The following UHRF2 variants were observed in gnomAD, a reference collection of about 807,000 sequenced individuals.
UHRF2 encodes the protein E3 ubiquitin-protein ligase UHRF2.
A neutral mutation model predicts 96.8 loss-of-function variants in UHRF2; 23 were observed. The ratio of observed to expected loss-of-function variants is 0.24; its 90% CI spans 0.17 to 0.34. UHRF2 has a LOEUF of 0.34. UHRF2 is among the 10% of genes least tolerant of loss of function. The probability of loss-of-function intolerance (pLI) is 1.00; values close to 1 mark genes in which losing one functional copy is unlikely to be tolerated. For synonymous variants in UHRF2, 385 were observed against 332.6 expected (o/e 1.16, Z -1.72); for missense variants, 685 against 981.5 (o/e 0.70, Z 4.04).
At chr9:6,494,280 A>G (rs1228976543) in intron 10 of UHRF2, 1 of 203,902 alleles carries the variant, frequency 4.9e-6, no homozygotes, top group Non-Finnish European at 9.8e-6. Flanking sequence ...ACTCCTTTTT[A>G]GAGTAAACTC....
chr9:6,485,827 A>AC (rs1824254880), intron 8 of UHRF2, among the ~76,000 whole-genome samples: 1 of 147,188 alleles, frequency 6.8e-6, no homozygotes, highest in Non-Finnish European at 1.5e-5. Context: ...AAAAAAAAAA[A>AC]ACAAAACCCA....
At chr9:6,475,535 T>G in intron 5 of UHRF2, 35 bp downstream of exon 5, 1 of 1,317,774 alleles carries the variant, frequency 7.6e-7, no homozygotes, top group Non-Finnish European at 1.1e-6. Context: ...AGACTACATG[T>G]GTTGTACATG....
intron 1 of UHRF2, among the ~76,000 whole-genome samples, chr9:6,417,922 C>T (rs183503071): frequency 6.6e-6 from 1 of 152,178 alleles, no homozygotes; most frequent in East Asian, 1.9e-4. Context: ...TCTGGTCCCT[C>T]AAACCTAAGT....
chr9:6,446,827 AGAGT>A (rs1821539358), intron 3 of UHRF2, among the ~76,000 whole-genome samples: 1 of 151,688 alleles, frequency 6.6e-6, no homozygotes, highest in Non-Finnish European at 1.5e-5. Flanking sequence ...CCTGGGTGAC[AGAGT>A]GAGACTCTGT....
At chr9:6,438,864 C>G (rs369074603) in intron 3 of UHRF2, among the ~76,000 whole-genome samples, 1 of 152,234 alleles carries the variant, frequency 6.6e-6, no homozygotes, top group East Asian at 1.9e-4. Flanking sequence ...CTACTCCAGT[C>G]AGAGCAGAGT....
chr9:6,422,620 C>A (rs1168815186), intron 2 of UHRF2: 3 of 632,952 alleles, frequency 4.7e-6, no homozygotes, highest in South Asian at 1.9e-5. Flanking sequence ...TAGATCTTTT[C>A]TTTTTTTGAG....
chr9:6,424,776 A>ATTT (rs200890506), intron 2 of UHRF2, among the ~76,000 whole-genome samples: 4 of 135,066 alleles, frequency 3.0e-5, no homozygotes, highest in Non-Finnish European at 4.6e-5. Context: ...ATTTCTCAGG[A>ATTT]TTTTTTTTTT....
chr9:6,432,520 T>C (rs780567212), intron 2 of UHRF2, among the ~76,000 whole-genome samples: 7 of 152,238 alleles, frequency 4.6e-5, no homozygotes, highest in Non-Finnish European at 8.8e-5. Flanking sequence ...ACCTTACATT[T>C]CATTAGCTTT....
rs758620399 is a variant in UHRF2, at chr9:6,481,625, C to CT, written c.1161-10dup. On this transcript the variant is annotated splice_polypyrimidine_tract_variant and intron_variant, in intron 6 of 15. Transcript: ENST00000276893. Reference sequence around the variant, plus strand: ...ATGGTATTGTGAAAATGCCTTCGTTCTTTTTTTTCTTTTAAAGGTATTGTC... The same window carrying CT: ...ATGGTATTGTGAAAATGCCTTCGTTCTTTTTTTTTCTTTTAAAGGTATTGTC... 3.7e-6 allele frequency: 6 copies of CT among 1,602,548 alleles called. No homozygotes were observed. The highest frequency in any genetic ancestry group is 2.7e-5 in the African/African-American group (2 of 73,876).
intron 9 of UHRF2, among the ~76,000 whole-genome samples, chr9:6,491,859 A>G (rs1317968298): frequency 1.3e-5 from 2 of 152,224 alleles, no homozygotes; most frequent in African/African-American, 2.4e-5. Flanking sequence ...AGAAGATGCA[A>G]CAAATTTAGG....
rs939225403 is a variant in UHRF2 at position 6,446,656 on chromosome 9, A to C, written c.644+12483A>C. On this transcript the variant is annotated intron_variant, in intron 3 of 15. Coordinates refer to ENST00000276893, the MANE Select transcript of UHRF2 (RefSeq NM_152896.3). Reference sequence around the variant, plus strand: ...TTGGGGACGACAGGCGTTTGAGACCAGCCTGGCCAACGTGGTGAAACCCCG... The same window carrying C: ...TTGGGGACGACAGGCGTTTGAGACCCGCCTGGCCAACGTGGTGAAACCCCG... Among the ~76,000 whole-genome samples, 34 of 150,560 alleles carry C rather than the reference A, an allele frequency of 2.3e-4. 1 individual carries two copies. Among genetic ancestry groups the C allele is most frequent in the Non-Finnish European group, 1.0e-4 (7 of 67,760 alleles).
At chr9:6,453,163 T>C (rs1219678998) in intron 3 of UHRF2, among the ~76,000 whole-genome samples, 4 of 152,204 alleles carry the variant, frequency 2.6e-5, no homozygotes, top group Admixed American at 1.3e-4. Flanking sequence ...AATTTAGTTT[T>C]GGTGCAGGAA....
At chr9:6,448,964 T>A (rs1587809680) in intron 3 of UHRF2, among the ~76,000 whole-genome samples, 1 of 152,338 alleles carries the variant, frequency 6.6e-6, no homozygotes, top group South Asian at 2.1e-4. Context: ...ACAAGCAGTA[T>A]CATGAGCCCA....
In UHRF2 at chr9:6,413,489, A is replaced by G. The variant is rs537885179; in HGVS notation, c.-2A>G. ...GGGACCGGTTCCTCTCTAGGCGCCA[A>G]GATGTGGATACAGGTTCGCACCATT... On this transcript the variant is annotated 5_prime_UTR_variant, in exon 1 of 16. Transcript: ENST00000276893. The G allele has an allele frequency of 1.3e-6, 2 of 1,542,682 alleles. No homozygotes were observed. The highest frequency in any genetic ancestry group is 1.4e-5 in the African/African-American group (1 of 70,408).
intron 2 of UHRF2, among the ~76,000 whole-genome samples, chr9:6,428,533 C>CTTTTTTTTTGTTT (rs1820383687): frequency 1.5e-5 from 1 of 65,358 alleles, no homozygotes; most frequent in African/African-American, 6.7e-5. Context: ...ATTGCTTTTG[C>CTTTTTTTTTGTTT]TTTTTTTTTT....
intron 11 of UHRF2, 125 bp from the exon 12 acceptor site, chr9:6,497,893 C>A: frequency 2.4e-6 from 3 of 1,233,128 alleles, no homozygotes; most frequent in Non-Finnish European, 3.4e-6. Flanking sequence ...ACTTACTGTC[C>A]TTACAGCAAA....
In UHRF2 at chr9:6,477,756, C is replaced by G; in HGVS notation, c.1108C>G (p.His370Asp). Residue 370 changes from histidine (H) to aspartate (D), a missense_variant, in exon 6 of 16, where the codon CAT (histidine) becomes GAT (aspartate). By Grantham distance (81) the His-to-Asp change is moderately conservative (BLOSUM62 -1). Around this residue, in one of 6 missense-constraint regions of UHRF2, gnomAD observed 391 missense variants for 437.0 expected, o/e 0.89. Transcript: ENST00000276893. ...LLCDECNVAYHIYCLNPPLDK... is the reference protein window; with the variant it reads ...LLCDECNVAYDIYCLNPPLDK... ...GTGTGATGAATGTAATGTGGCTTAT[C>G]ATATTTACTGTCTGAATCCACCTTT... is the stretch of plus-strand genomic sequence containing the variant. 1 of 1,613,714 alleles carries G rather than the reference C, an allele frequency of 6.2e-7. No homozygotes were observed. The highest frequency in any genetic ancestry group is 8.5e-7 in the Non-Finnish European group (1 of 1,179,740).
chr9:6,468,315 C>A (rs1315372969), intron 4 of UHRF2: 3 of 370,916 alleles, frequency 8.1e-6, no homozygotes, highest in Non-Finnish European at 1.6e-5. Flanking sequence ...TTTATTGAAT[C>A]ACTTAAAGTA....
intron 1 of UHRF2, among the ~76,000 whole-genome samples, chr9:6,419,518 T>A (rs1443900533): frequency 6.6e-6 from 1 of 152,180 alleles, no homozygotes; most frequent in Non-Finnish European, 1.5e-5. Context: ...TTTAGAAAGA[T>A]AACATATTTG....
Sources: allele counts gnomAD v4.1 joint callset (sites outside exome capture counted in the v4.1 genomes callset), GRCh38; gene constraint gnomAD v4.1.1; regional missense constraint gnomAD v4.1.1; transcripts MANE v1.5; gene names NCBI Gene and HGNC (gene_info 2026-07-23, HGNC 2026-07-21).